Variants in GALNT13 observed in about 807,000 individuals in gnomAD.
GALNT13 encodes the protein UDP-GalNAc:polypeptide N-acetylgalactosaminyltransferase 13.
A neutral mutation model predicts 64.2 loss-of-function variants in GALNT13; 28 were observed. The ratio of observed to expected loss-of-function variants is 0.44; its 90% CI spans 0.32 to 0.60. The LOEUF (loss-of-function observed/expected upper bound fraction) is 0.60. GALNT13 is among the 20% of genes least tolerant of loss of function. The probability of loss-of-function intolerance (pLI) is 0.05; values close to 1 mark genes in which losing one functional copy is unlikely to be tolerated. For synonymous variants in GALNT13, 214 were observed against 224.6 expected (o/e 0.95, Z 0.42); for missense variants, 577 against 669.8 (o/e 0.86, Z 1.53).
chr2:154,231,990 A>C (rs1005256294), intron 4 of GALNT13, among the ~76,000 whole-genome samples: 2 of 151,744 alleles, frequency 1.3e-5, no homozygotes, highest in African/African-American at 2.4e-5. Flanking sequence ...TGTGAGGTAG[A>C]TATTATTATT....
chr2:153,512,836 G>C, the GALNT13 span, among the ~76,000 whole-genome samples: 50 of 152,220 alleles, frequency 3.3e-4, no homozygotes, highest in South Asian at 3.7e-3. Context: ...CAGATGCCTG[G>C]CAAAGAATGA....
chr2:154,166,006 G>T (rs1333090124), intron 4 of GALNT13, among the ~76,000 whole-genome samples: 2 of 152,182 alleles, frequency 1.3e-5, no homozygotes, highest in African/African-American at 2.4e-5. Context: ...CATGATCTGT[G>T]TCTGGTACAC....
chr2:153,093,357 G>C, the GALNT13 span, among the ~76,000 whole-genome samples: 1 of 150,120 alleles, frequency 6.7e-6, no homozygotes, highest in Admixed American at 6.7e-5. Flanking sequence ...TCCTACCTCA[G>C]CCTCTCGAGT....
chr2:153,478,460 C>A, the GALNT13 span: 1 of 1,613,614 alleles, frequency 6.2e-7, no homozygotes, highest in African/African-American at 1.3e-5. Context: ...TCGTCGGTCA[C>A]CACGGACGCC....
intron 4 of GALNT13, 52 bp downstream of exon 4, chr2:154,140,557 A>G: frequency 2.3e-6 from 3 of 1,295,700 alleles, no homozygotes; most frequent in Non-Finnish European, 3.3e-6. Flanking sequence ...ACCATATTTC[A>G]GAATCTCAGA....
At chr2:154,264,587 A>G (rs1690883098) in intron 8 of GALNT13, among the ~76,000 whole-genome samples, 1 of 152,060 alleles carries the variant, frequency 6.6e-6, no homozygotes, top group Non-Finnish European at 1.5e-5. Flanking sequence ...CAGTGAGCCG[A>G]GATCATGACA....
At chr2:153,506,832 T>C in the GALNT13 span, among the ~76,000 whole-genome samples, 2 of 152,228 alleles carry the variant, frequency 1.3e-5, no homozygotes, top group South Asian at 4.1e-4. Flanking sequence ...AATGAACTTT[T>C]TGTGATGAAT....
chr2:153,977,645 A>G (rs1029611877), intron 3 of GALNT13, among the ~76,000 whole-genome samples: 5 of 151,932 alleles, frequency 3.3e-5, no homozygotes, highest in African/African-American at 1.2e-4. Flanking sequence ...CCATATCACT[A>G]TTTGAAGTGT....
chr2:154,354,889 C>T (rs991292272), intron 9 of GALNT13, among the ~76,000 whole-genome samples: 2 of 151,948 alleles, frequency 1.3e-5, no homozygotes, highest in Non-Finnish European at 2.9e-5. Flanking sequence ...TTCTTCTACT[C>T]GAATGCCAGT....
At chr2:153,400,904 G>T in the GALNT13 span, among the ~76,000 whole-genome samples, 1 of 151,890 alleles carries the variant, frequency 6.6e-6, no homozygotes, top group African/African-American at 2.4e-5. Context: ...TTTTTGAAGG[G>T]TTTTTTGTGT....
the GALNT13 span, among the ~76,000 whole-genome samples, chr2:153,336,692 A>T: frequency 1.3e-5 from 2 of 152,140 alleles, no homozygotes; most frequent in Non-Finnish European, 2.9e-5. Context: ...CTTTTGAGTT[A>T]ATGCTGAAAT....
chr2:153,205,962 C>A, the GALNT13 span, among the ~76,000 whole-genome samples: 1 of 151,790 alleles, frequency 6.6e-6, no homozygotes, highest in Non-Finnish European at 1.5e-5. Flanking sequence ...GTAATGATTG[C>A]TTTCCCTCCT....
At chr2:153,994,577 T>A (rs574098713) in intron 3 of GALNT13, among the ~76,000 whole-genome samples, 1 of 152,316 alleles carries the variant, frequency 6.6e-6, no homozygotes, top group South Asian at 2.1e-4. Context: ...CTCCAGCACC[T>A]GTTGTTTCCT....
intron 3 of GALNT13, among the ~76,000 whole-genome samples, chr2:154,132,551 G>A (rs1394599436): frequency 5.3e-5 from 8 of 151,868 alleles, no homozygotes; most frequent in Non-Finnish European, 8.8e-5. Flanking sequence ...CTTATAATGG[G>A]ATCCATGCAC....
chr2:153,572,746 A>G, the GALNT13 span, among the ~76,000 whole-genome samples: 84 of 151,946 alleles, frequency 5.5e-4, no homozygotes, highest in Admixed American at 5.4e-3. Flanking sequence ...GTATTTGTAT[A>G]GTTTCCAAAA....
chr2:154,144,467 A>G (rs372562517), intron 4 of GALNT13, among the ~76,000 whole-genome samples: 29 of 152,196 alleles, frequency 1.9e-4, no homozygotes, highest in African/African-American at 6.3e-4. Flanking sequence ...GTAAAGATGT[A>G]AAAAGAATAG....
intron 8 of GALNT13, among the ~76,000 whole-genome samples, chr2:154,284,026 A>G (rs924559756): frequency 3.3e-5 from 5 of 152,134 alleles, no homozygotes; most frequent in African/African-American, 4.8e-5. Context: ...TATATTTGTA[A>G]GATACATTGT....
the GALNT13 span, among the ~76,000 whole-genome samples, chr2:153,371,318 T>A: frequency 6.6e-6 from 1 of 152,138 alleles, no homozygotes; most frequent in Admixed American, 6.6e-5. Context: ...TTTAATATTG[T>A]CCTATAAATC....
intron 9 of GALNT13, among the ~76,000 whole-genome samples, chr2:154,378,334 G>T (rs933991823): frequency 3.3e-5 from 5 of 152,098 alleles, no homozygotes; most frequent in African/African-American, 1.2e-4. Flanking sequence ...GTGCAGCCTT[G>T]TGCCTTCACT....
Sources: gnomAD v4.1 joint callset for allele counts (sites outside exome capture counted in the v4.1 genomes callset) on GRCh38, gnomAD v4.1.1 for gene constraint, MANE v1.5 for transcripts, NCBI Gene and HGNC (gene_info 2026-07-23, HGNC 2026-07-21) for gene names.